SLC24A4: variants seen among roughly 807,000 people sequenced by gnomAD.
The protein encoded by SLC24A4 is solute carrier family 24 member 4, also known as sodium/potassium/calcium exchanger 4.
In SLC24A4, 53 loss-of-function variants were observed where a neutral mutation model predicts 79.0. That is an observed-to-expected ratio of 0.67 (90% CI 0.54 to 0.84). The LOEUF is 0.84. Ranked by LOEUF, SLC24A4 falls within the 40% of genes least tolerant of loss-of-function variation. The pLI, the probability that SLC24A4 is intolerant of heterozygous loss-of-function variation, is 0.00. For missense variants in SLC24A4, 731 were observed against 822.0 expected, an observed-to-expected ratio of 0.89 and a Z score of 1.35; for synonymous variants, 323 against 323.8, an observed-to-expected ratio of 1.00 and a Z score of 0.03.
chr14:92,438,749 T>A (rs1892322103), intron 3 of SLC24A4, among the ~76,000 whole-genome samples: 1 of 152,226 alleles, frequency 6.6e-6, no homozygotes, highest in South Asian at 2.1e-4. Context: ...GGGAAACTCC[T>A]TAAGCTCTAT....
rs1274555895 is a variant in SLC24A4, at chr14:92,496,441, A to T, written c.*2813A>T. 6.6e-6 allele frequency: 1 copy of T among 152,180 alleles called. No homozygotes were observed. The highest frequency in any genetic ancestry group is 1.5e-5 in the Non-Finnish European group (1 of 68,022). 9.4% of individuals were successfully genotyped at this position (152,180 alleles called of 1,614,324 possible). On this transcript the variant is annotated 3_prime_UTR_variant, in exon 17 of 17. Coordinates refer to ENST00000532405, the MANE Select transcript of SLC24A4 (RefSeq NM_153646.4). The stretch of plus-strand genomic sequence containing the variant: ...ACTCTGCTACAGAAATAGGCAATTT[A>T]AAAAAATGAATTTAGCTCTTCTCAT...
chr14:92,361,506 A>C (rs1887520803), intron 2 of SLC24A4, among the ~76,000 whole-genome samples: 1 of 152,126 alleles, frequency 6.6e-6, no homozygotes, highest in Admixed American at 6.5e-5. Context: ...GGAAAGGAAA[A>C]AAAAAAATGA....
chr14:92,474,695 AT>A lies in SLC24A4; in HGVS notation c.1256-7984del, dbSNP rs2139900196. ...TATATATATATACACATATATATGT[AT>A]ATATACGTGTGTGTATATATATATA... On this transcript the variant is annotated intron_variant, in intron 12 of 16. Transcript: ENST00000532405. 5.6e-4 allele frequency among the ~76,000 whole-genome samples: 3 copies of A among 5,390 alleles called. No homozygotes were observed. In the East Asian group the frequency reaches 0.026, roughly 47 times the overall value. 3.5% of individuals were successfully genotyped at this position (5,390 alleles called of 152,430 possible).
At chr14:92,428,085 A>G (rs1004589403) in intron 2 of SLC24A4, among the ~76,000 whole-genome samples, 3 of 152,244 alleles carry the variant, frequency 2.0e-5, no homozygotes, top group African/African-American at 2.4e-5. Context: ...AAGCTACCCC[A>G]GTTTATGATA....
At chr14:92,425,245 G>T (rs1237696409) in intron 2 of SLC24A4, among the ~76,000 whole-genome samples, 1 of 152,210 alleles carries the variant, frequency 6.6e-6, no homozygotes, top group Non-Finnish European at 1.5e-5. Flanking sequence ...CTGGGAGAAA[G>T]TAAATTTCCA....
At chr14:92,465,681 T>A (rs1195445267) in intron 12 of SLC24A4, among the ~76,000 whole-genome samples, 1 of 152,114 alleles carries the variant, frequency 6.6e-6, no homozygotes, top group Non-Finnish European at 1.5e-5. Flanking sequence ...AGGATCCCTG[T>A]GTCACTCGAC....
At chr14:92,493,358 A>G (rs1296387742) in intron 16 of SLC24A4, 118 bp from the exon 17 acceptor site, 1 of 1,258,564 alleles carries the variant, frequency 7.9e-7, no homozygotes, top group Non-Finnish European at 1.1e-6. Flanking sequence ...ACCCCGCTAC[A>G]CTTGCCCACA....
rs2139955551 is a variant in SLC24A4, at chr14:92,494,693, G to A, written c.*1065G>A. On this transcript the variant is annotated 3_prime_UTR_variant, in exon 17 of 17. Coordinates refer to ENST00000532405, the MANE Select transcript of SLC24A4 (RefSeq NM_153646.4). This position sits in a 1 kb window ranked among gnomAD's most constrained non-coding sequence, Gnocchi z 4.6. Reference sequence around the variant, plus strand: ...CTGAACTGAGTGTGTCAGAAGTGCTGGTTAATGACGAGAAGAGATTGCCTG... The same window carrying A: ...CTGAACTGAGTGTGTCAGAAGTGCTAGTTAATGACGAGAAGAGATTGCCTG... 6.6e-6 allele frequency: 1 copy of A among 152,300 alleles called. No individual in the cohort carries two copies. The highest frequency in any genetic ancestry group is 6.5e-5 in the Admixed American group (1 of 15,304). 9.4% of individuals were successfully genotyped at this position (152,300 alleles called of 1,614,324 possible).
At chr14:92,483,524 A>T (rs1895181908) in intron 13 of SLC24A4, among the ~76,000 whole-genome samples, 1 of 152,140 alleles carries the variant, frequency 6.6e-6, no homozygotes, top group South Asian at 2.1e-4. Context: ...TTGCTACTGG[A>T]CTTTTCAGAT....
intron 2 of SLC24A4, among the ~76,000 whole-genome samples, chr14:92,349,259 A>C (rs1440134007): frequency 1.3e-5 from 2 of 151,896 alleles, no homozygotes; most frequent in African/African-American, 2.4e-5. Flanking sequence ...TCTTGAGTTC[A>C]AGCAATTACC....
chr14:92,427,624 G>A (rs547956651), intron 2 of SLC24A4, among the ~76,000 whole-genome samples: 1 of 152,238 alleles, frequency 6.6e-6, no homozygotes, highest in Non-Finnish European at 1.5e-5. Flanking sequence ...CAGGGCTTGT[G>A]CAGGATTGGC....
chr14:92,498,685 A>G lies in SLC24A4; in HGVS notation c.*5057A>G, dbSNP rs6575261. On this transcript the variant is annotated 3_prime_UTR_variant, in exon 17 of 17. Coordinates refer to ENST00000532405, the MANE Select transcript of SLC24A4 (RefSeq NM_153646.4). ...GCTAATTTTTGGATTTTTAGTAGAG[A>G]AGGAGTTTCACCATGCTGACCAGGC... 36,284 of 152,080 alleles carry G rather than the reference A, an allele frequency of 0.24. 4,468 individuals are homozygous for G. The highest frequency in any genetic ancestry group is 0.31 in the Middle Eastern group (92 of 294). The allele number at this position is 152,080 out of a possible 1,614,324, so 9.4% of individuals were successfully genotyped here. A position where few individuals can be genotyped will look rare whatever the true frequency, so the allele number is the denominator to read the frequency against.
At chr14:92,374,490 C>A (rs1888390339) in intron 2 of SLC24A4, among the ~76,000 whole-genome samples, 1 of 152,192 alleles carries the variant, frequency 6.6e-6, no homozygotes, top group Non-Finnish European at 1.5e-5. Flanking sequence ...TCTGAGGTTG[C>A]TCTTCCATGT....
intron 2 of SLC24A4, among the ~76,000 whole-genome samples, chr14:92,327,161 G>T (rs568963991): frequency 6.6e-6 from 1 of 152,334 alleles, no homozygotes; most frequent in Non-Finnish European, 1.5e-5. Flanking sequence ...CCTGTGCTTA[G>T]GTGGGGGTGA....
At chr14:92,487,386 A>G (rs2139936001) in intron 14 of SLC24A4, among the ~76,000 whole-genome samples, 1 of 152,350 alleles carries the variant, frequency 6.6e-6, no homozygotes, top group African/African-American at 2.4e-5. Context: ...CTCACAGCAC[A>G]GAGTTTGAAA....
chr14:92,425,398 C>G (rs1193726604), intron 2 of SLC24A4, among the ~76,000 whole-genome samples: 2 of 152,188 alleles, frequency 1.3e-5, no homozygotes, highest in African/African-American at 2.4e-5. Flanking sequence ...TACAGGGAGC[C>G]TATTTGTTTT....
At position 92,490,502 on chromosome 14, in the gene SLC24A4, G is replaced by A. The variant is rs1895621774; in HGVS notation, c.1538-1163G>A. ...AGCTCACCCTTCAGAAACTACCAGA[G>A]CATACAATCCGATATCCTGTGATTC... On this transcript the variant is annotated intron_variant, in intron 14 of 16. Transcript: ENST00000532405. The surrounding 1 kb of genome is among the most constrained non-coding windows in gnomAD (Gnocchi z 4.3). 6.6e-6 allele frequency among the ~76,000 whole-genome samples: 1 copy of A among 152,202 alleles called. No individual in the cohort carries two copies. The highest frequency in any genetic ancestry group is 6.5e-5 in the Admixed American group (1 of 15,278).
At chr14:92,477,508 G>T (rs1253858744) in intron 12 of SLC24A4, among the ~76,000 whole-genome samples, 1 of 152,086 alleles carries the variant, frequency 6.6e-6, no homozygotes, top group Non-Finnish European at 1.5e-5. Context: ...TCACTCTGTT[G>T]CCCAGTGCAA....
intron 7 of SLC24A4, among the ~76,000 whole-genome samples, chr14:92,444,922 T>C (rs367785963): frequency 7.8e-5 from 6 of 77,008 alleles, no homozygotes; most frequent in East Asian, 3.7e-4. Context: ...ACACCCTATA[T>C]ACACACACAT....
Sources: gnomAD v4.1 joint callset for allele counts (sites outside exome capture counted in the v4.1 genomes callset) on GRCh38, gnomAD v4.1.1 for gene constraint, Gnocchi (gnomAD v3.1) non-coding constraint, MANE v1.5 for transcripts, NCBI Gene and HGNC (gene_info 2026-07-23, HGNC 2026-07-21) for gene names.